The following PRDM10 variants were observed in gnomAD, a reference collection of about 807,000 sequenced individuals.
The protein encoded by PRDM10 is PR domain zinc finger protein 10.
Under a neutral mutation model 133.1 loss-of-function variants are expected in PRDM10, and 65 were observed. The ratio of observed to expected loss-of-function variants is 0.49; its 90% confidence interval spans 0.40 to 0.60. The LOEUF is 0.60. PRDM10 is among the 20% of genes least tolerant of loss of function. The pLI, the probability that PRDM10 is intolerant of heterozygous loss-of-function variation, is 0.00. For missense variants in PRDM10, 1,137 were observed against 1,507.1 expected, an observed-to-expected ratio of 0.75 and a Z score of 4.07; for synonymous variants, 582 against 580.4, an observed-to-expected ratio of 1.00 and a Z score of -0.04.
rs899637329 is a variant in PRDM10, at chr11:129,900,979, C to G, written c.*1334G>C. ...TTACCCAGAAATGTAAATTAATTAA[C>G]TTCATTTGAAATGAAGTAAGGTCTT... On this transcript the variant is annotated 3_prime_UTR_variant, in exon 21 of 21. Transcript: ENST00000360871. 11 of 152,614 alleles carry G rather than the reference C, an allele frequency of 7.2e-5. No homozygotes were observed. Among genetic ancestry groups the G allele is most frequent in the African/African-American group, 2.7e-4 (11 of 41,452 alleles). 9.5% of individuals were successfully genotyped at this position (152,614 alleles called of 1,614,324 possible).
chr11:129,950,114 G>C (rs1033059703), intron 4 of PRDM10, among the ~76,000 whole-genome samples: 2 of 152,028 alleles, frequency 1.3e-5, no homozygotes, highest in Non-Finnish European at 2.9e-5. Context: ...GCACGTGCCT[G>C]TGGTCCCAGC....
intron 6 of PRDM10, among the ~76,000 whole-genome samples, chr11:129,943,196 C>T (rs1951271286): frequency 6.6e-6 from 1 of 152,178 alleles, no homozygotes; most frequent in Admixed American, 6.5e-5. Context: ...TGGGCAGAAA[C>T]AAAAGGGTCA....
intron 1 of PRDM10, among the ~76,000 whole-genome samples, chr11:129,979,831 T>C (rs1938004619): frequency 6.6e-6 from 1 of 152,130 alleles, no homozygotes. Flanking sequence ...GCCCATCCTT[T>C]ACCTCCTCCG....
intron 8 of PRDM10, among the ~76,000 whole-genome samples, chr11:129,936,488 C>G (rs1951034025): frequency 6.6e-6 from 1 of 151,862 alleles, no homozygotes. Context: ...CCTGTCTCTA[C>G]CAAAAATACA....
intron 3 of PRDM10, among the ~76,000 whole-genome samples, chr11:129,957,401 C>G (rs1261407279): frequency 6.6e-6 from 1 of 152,146 alleles, no homozygotes; most frequent in African/African-American, 2.4e-5. Context: ...TCACTGCAAC[C>G]TCCGCCTCCC....
At chr11:129,915,622 C>A (rs556686251) in intron 16 of PRDM10, 38 bp downstream of exon 16, 4 of 1,524,414 alleles carry the variant, frequency 2.6e-6, no homozygotes, top group African/African-American at 2.8e-5. Flanking sequence ...CCTCGCATGG[C>A]GGTTTTGACC....
intron 19 of PRDM10, 104 bp from the exon 20 acceptor site, chr11:129,905,845 C>T: frequency 1.1e-6 from 1 of 923,606 alleles, no homozygotes. Context: ...ATTTGCTTGC[C>T]ATGAGAGTCT....
intron 3 of PRDM10, among the ~76,000 whole-genome samples, chr11:129,957,079 A>G (rs1187115752): frequency 6.6e-6 from 1 of 152,208 alleles, no homozygotes; most frequent in Admixed American, 6.5e-5. Flanking sequence ...GTAAGTTATT[A>G]AGAAGTGGTA....
At chr11:129,946,216 C>G (rs1028310543) in intron 5 of PRDM10, among the ~76,000 whole-genome samples, 1 of 151,780 alleles carries the variant, frequency 6.6e-6, no homozygotes, top group Non-Finnish European at 1.5e-5. Flanking sequence ...AACCACTGCA[C>G]TCCAGCTTGG....
At chr11:129,910,359 G>C in intron 19 of PRDM10, 117 bp downstream of exon 19, 1 of 1,368,122 alleles carries the variant, frequency 7.3e-7, no homozygotes, top group Non-Finnish European at 1.0e-6. Context: ...CATTCATAGA[G>C]AGTGTAAACA....
chr11:129,979,023 C>G (rs565278144), intron 1 of PRDM10, among the ~76,000 whole-genome samples: 1 of 152,154 alleles, frequency 6.6e-6, no homozygotes, highest in Non-Finnish European at 1.5e-5. Flanking sequence ...GACAATCCTA[C>G]ATGAAAATCC....
intron 1 of PRDM10, among the ~76,000 whole-genome samples, chr11:129,969,125 GACTCTGGC>G (rs1488352867): frequency 1.3e-5 from 2 of 152,198 alleles, no homozygotes. Flanking sequence ...CTGACCCAGA[GACTCTGGC>G]CTGATACACA....
Position 129,923,241 on chromosome 11 carries a change from G to T in PRDM10, c.2034+7C>A, listed in dbSNP as rs1950567321. 6.4e-7 allele frequency: 1 copy of T among 1,571,614 alleles called. No individual in the cohort carries two copies. Among genetic ancestry groups the T allele is most frequent in the South Asian group, 1.2e-5 (1 of 85,714 alleles). Reference sequence around the variant, plus strand: ...GAACCACCTTGGGCTGTGCCTTGGTGTCATACCTTAAATTGCTTCCCACAG... The same window carrying T: ...GAACCACCTTGGGCTGTGCCTTGGTTTCATACCTTAAATTGCTTCCCACAG... On this transcript the variant is annotated splice_region_variant and intron_variant, in intron 13 of 20. Transcript: ENST00000360871. This position sits in a 1 kb window ranked among gnomAD's most constrained non-coding sequence, Gnocchi z 4.4.
At chr11:129,977,793 A>C (rs1392185772) in intron 1 of PRDM10, among the ~76,000 whole-genome samples, 1 of 152,112 alleles carries the variant, frequency 6.6e-6, no homozygotes, top group African/African-American at 2.4e-5. Context: ...CACTTTTACA[A>C]AAAATGCAAA....
Position 129,924,914 on chromosome 11 carries a change from T to A in PRDM10, c.1846A>T (p.Thr616Ser). 6.2e-7 allele frequency: 1 copy of A among 1,611,750 alleles called. No homozygotes were observed. The stretch of plus-strand genomic sequence containing the variant: ...AAATCTGGGAACCGTTTCTTACAAG[T>A]TGGGCAGGTGAAGTAGCCATCATTG... Reference protein sequence around the residue: ...HINDGYFTCPTCKKRFPDFIQ... With the variant: ...HINDGYFTCPSCKKRFPDFIQ... The change falls in exon 12 of 21, where the codon ACT (threonine) becomes TCT (serine). Residue 616 changes from threonine (T) to serine (S), a missense_variant. Coordinates refer to ENST00000360871, the MANE Select transcript of PRDM10 (RefSeq NM_199437.2).
intron 8 of PRDM10, 103 bp from the exon 9 acceptor site, chr11:129,935,321 G>C: frequency 1.2e-6 from 1 of 853,148 alleles, no homozygotes; most frequent in Non-Finnish European, 2.0e-6. Context: ...GCAGCCCAAA[G>C]AGTTCATAAC....
At chr11:129,996,784 A>C (rs1362737687) in intron 1 of PRDM10, among the ~76,000 whole-genome samples, 1 of 148,126 alleles carries the variant, frequency 6.8e-6, no homozygotes, top group East Asian at 1.9e-4. Context: ...AAAGAGATAA[A>C]CAAGTTTTGA....
chr11:129,904,269 T>G (rs1949941263), intron 20 of PRDM10, among the ~76,000 whole-genome samples: 2 of 152,080 alleles, frequency 1.3e-5, no homozygotes, highest in Non-Finnish European at 2.9e-5. Flanking sequence ...ATCTCAATAT[T>G]CCTAGCCATT....
chr11:129,974,505 G>C (rs78074217), intron 1 of PRDM10, among the ~76,000 whole-genome samples: 1 of 152,232 alleles, frequency 6.6e-6, no homozygotes, highest in East Asian at 1.9e-4. Flanking sequence ...TAGAAGGTGA[G>C]GGGGAGGGAG....
Sources: allele counts gnomAD v4.1 joint callset (sites outside exome capture counted in the v4.1 genomes callset), GRCh38; gene constraint gnomAD v4.1.1; non-coding constraint Gnocchi (gnomAD v3.1); transcripts MANE v1.5; gene names NCBI Gene and HGNC (gene_info 2026-07-23, HGNC 2026-07-21).